ASPRV1: variants seen among roughly 807,000 people sequenced by gnomAD.
The protein encoded by ASPRV1 is aspartic peptidase retroviral like 1, also known as retroviral-like aspartic protease 1.
In ASPRV1, 7 loss-of-function variants were observed where a neutral mutation model predicts 11.0. The observed-to-expected ratio is 0.64, with a 90% CI of 0.36 to 1.20. The LOEUF is 1.20. ASPRV1 is among the 50% of genes most tolerant of loss of function. The probability of loss-of-function intolerance (pLI) is 0.02; values close to 1 mark genes in which losing one functional copy is unlikely to be tolerated. For synonymous variants in ASPRV1, 136 were observed against 138.4 expected, an observed-to-expected ratio of 0.98 and a Z score of 0.12; for missense variants, 299 against 320.0, an observed-to-expected ratio of 0.93 and a Z score of 0.50.
At chr2:70,023,254 C>T in the ASPRV1 span, among the ~76,000 whole-genome samples, 1 of 152,158 alleles carries the variant, frequency 6.6e-6, no homozygotes, top group African/African-American at 2.4e-5. Flanking sequence ...GTCTTGTCTT[C>T]TTCACCTTCT....
At chr2:69,946,560 T>C in the ASPRV1 span, among the ~76,000 whole-genome samples, 1 of 152,232 alleles carries the variant, frequency 6.6e-6, no homozygotes, top group Admixed American at 6.5e-5. Context: ...GCAATTATAA[T>C]CATTTTCCCA....
chr2:70,006,621 G>A, the ASPRV1 span, among the ~76,000 whole-genome samples: 1 of 152,112 alleles, frequency 6.6e-6, no homozygotes, highest in African/African-American at 2.4e-5. Context: ...ATAGGATTCA[G>A]AGCTGAAGCC....
the ASPRV1 span, among the ~76,000 whole-genome samples, chr2:69,977,154 C>G: frequency 6.6e-6 from 1 of 151,196 alleles, no homozygotes; most frequent in Admixed American, 6.6e-5. Flanking sequence ...CCAGCCTGGG[C>G]TACAGAGTGA....
At chr2:70,064,399 TGAA>T in the ASPRV1 span, among the ~76,000 whole-genome samples, 1 of 152,096 alleles carries the variant, frequency 6.6e-6, no homozygotes, top group Non-Finnish European at 1.5e-5. Flanking sequence ...TACAGTCTAG[TGAA>T]GGACACAGAC....
the ASPRV1 span, chr2:69,939,495 A>C: frequency 6.5e-6 from 1 of 152,680 alleles, no homozygotes; most frequent in Non-Finnish European, 1.5e-5. Context: ...TATGTACATA[A>C]GACACATTAA....
At chr2:69,942,575 G>A in the ASPRV1 span, 1 of 152,202 alleles carries the variant, frequency 6.6e-6, no homozygotes, top group East Asian at 1.9e-4. Context: ...GGGGTGGCAA[G>A]TTGAGGGAGC....
At chr2:69,941,667 C>G in the ASPRV1 span, 1 of 152,160 alleles carries the variant, frequency 6.6e-6, no homozygotes, top group Non-Finnish European at 1.5e-5. Context: ...CTATGGGCCT[C>G]TCTTCTGCAT....
the ASPRV1 span, among the ~76,000 whole-genome samples, chr2:69,947,395 T>C: frequency 6.6e-6 from 1 of 152,276 alleles, no homozygotes; most frequent in Non-Finnish European, 1.5e-5. Context: ...AGGGAAACAG[T>C]GAATCATGCA....
chr2:70,036,695 A>T, the ASPRV1 span, among the ~76,000 whole-genome samples: 3 of 151,998 alleles, frequency 2.0e-5, no homozygotes, highest in African/African-American at 7.2e-5. Context: ...CAAGACAGGG[A>T]CTCACTCTGT....
chr2:70,009,042 T>A, the ASPRV1 span, among the ~76,000 whole-genome samples: 2 of 152,186 alleles, frequency 1.3e-5, no homozygotes, highest in African/African-American at 4.8e-5. Context: ...GGTAATGAGC[T>A]CCATAAATGT....
the ASPRV1 span, among the ~76,000 whole-genome samples, chr2:70,052,172 G>C: frequency 1.8e-4 from 28 of 152,210 alleles, no homozygotes; most frequent in African/African-American, 5.1e-4. Flanking sequence ...GAAAAATATA[G>C]AAGGGAAGAG....
At chr2:69,973,189 T>C in the ASPRV1 span, among the ~76,000 whole-genome samples, 4 of 152,228 alleles carry the variant, frequency 2.6e-5, no homozygotes, top group African/African-American at 7.2e-5. Context: ...CTCTTTACTG[T>C]AAATTGCATA....
the ASPRV1 span, among the ~76,000 whole-genome samples, chr2:70,057,709 C>T: frequency 1.3e-5 from 2 of 151,948 alleles, no homozygotes. Context: ...GAACTCCTGA[C>T]CTCAAGTGAT....
the ASPRV1 span, among the ~76,000 whole-genome samples, chr2:69,968,889 C>T: frequency 6.6e-6 from 1 of 152,222 alleles, no homozygotes; most frequent in Non-Finnish European, 1.5e-5. Flanking sequence ...CCAGGGCAGC[C>T]GCTCCAGCCT....
chr2:70,048,369 C>T, the ASPRV1 span, among the ~76,000 whole-genome samples: 3 of 151,410 alleles, frequency 2.0e-5, no homozygotes, highest in African/African-American at 7.3e-5. Flanking sequence ...GAGCCGAGAT[C>T]GCACCACTGC....
At chr2:70,086,436 G>A in the ASPRV1 span, 19,441 of 152,334 alleles carry the variant, frequency 0.13, 1,819 homozygotes, top group South Asian at 0.25. Flanking sequence ...ACAACTCATA[G>A]GCCAGCGTCT....
the ASPRV1 span, among the ~76,000 whole-genome samples, chr2:70,083,218 T>C: frequency 3.3e-5 from 5 of 152,298 alleles, no homozygotes; most frequent in South Asian, 6.2e-4. Context: ...TCAGAAGCCA[T>C]GGAAAGGTGT....
chr2:69,966,357 C>A (rs1572878454), upstream of ASPRV1, among the ~76,000 whole-genome samples: 1 of 152,272 alleles, frequency 6.6e-6, no homozygotes, highest in Admixed American at 6.5e-5. Context: ...GGTGCCCCCA[C>A]CCTAGACCAA....
the ASPRV1 span, chr2:69,935,244 C>G: frequency 2.7e-6 from 2 of 738,554 alleles, no homozygotes. Context: ...TAGCATTTGC[C>G]ATCGCAAGGC....
Sources: gnomAD v4.1 joint callset for allele counts (sites outside exome capture counted in the v4.1 genomes callset) on GRCh38, gnomAD v4.1.1 for gene constraint, MANE v1.5 for transcripts, NCBI Gene and HGNC (gene_info 2026-07-23, HGNC 2026-07-21) for gene names.